The following SH3BP5 variants were observed in gnomAD, a reference collection of about 807,000 sequenced individuals.
SH3BP5 encodes the protein SH3 domain binding protein 5.
Under a neutral mutation model 43.3 loss-of-function variants are expected in SH3BP5, and 22 were observed. That is an observed-to-expected ratio of 0.51 (90% CI 0.36 to 0.73). SH3BP5 has a LOEUF of 0.73. Ranked by LOEUF, SH3BP5 falls within the 30% of genes least tolerant of loss-of-function variation. SH3BP5 has a pLI of 0.00. For synonymous variants in SH3BP5, 255 were observed against 225.8 expected (o/e 1.13, Z -1.16); for missense variants, 529 against 586.9 (o/e 0.90, Z 1.02).
chr3:15,319,461 C>A (rs918598382), intron 2 of SH3BP5, among the ~76,000 whole-genome samples: 4 of 152,186 alleles, frequency 2.6e-5, no homozygotes, highest in Non-Finnish European at 5.9e-5. Context: ...TCTACATCAC[C>A]ATGAGGGTTG....
chr3:15,285,002 T>C (rs765618163), intron 3 of SH3BP5, among the ~76,000 whole-genome samples: 2 of 152,276 alleles, frequency 1.3e-5, no homozygotes, highest in African/African-American at 4.8e-5. Flanking sequence ...GCATAGTACA[T>C]AGGATTTCTA....
chr3:15,311,428 T>C (rs952690594), intron 2 of SH3BP5, among the ~76,000 whole-genome samples: 4 of 151,880 alleles, frequency 2.6e-5, no homozygotes, highest in Non-Finnish European at 5.9e-5. Flanking sequence ...TCGGGCATGG[T>C]AGGTGCCTGT....
intron 3 of SH3BP5, among the ~76,000 whole-genome samples, chr3:15,280,737 T>C (rs888850967): frequency 1.3e-5 from 2 of 152,160 alleles, no homozygotes; most frequent in African/African-American, 4.8e-5. Context: ...GCGGTGGGTT[T>C]CCCTGAGCTC....
intron 2 of SH3BP5, among the ~76,000 whole-genome samples, chr3:15,305,988 A>G (rs1038558046): frequency 2.0e-5 from 3 of 150,104 alleles, no homozygotes; most frequent in African/African-American, 7.4e-5. Flanking sequence ...CATCCCCTCT[A>G]CCTCTCCCTC....
intron 8 of SH3BP5, 168 bp from the exon 9 acceptor site, chr3:15,256,471 A>G (rs916222698): frequency 1.7e-4 from 116 of 698,850 alleles, no homozygotes; most frequent in Middle Eastern, 8.2e-4. Flanking sequence ...TACCGTGCCT[A>G]TCAGAGAGGT....
intron 3 of SH3BP5, among the ~76,000 whole-genome samples, chr3:15,283,539 T>C (rs1436327338): frequency 6.6e-6 from 1 of 152,224 alleles, no homozygotes; most frequent in African/African-American, 2.4e-5. Flanking sequence ...TCTTTTAAGA[T>C]GTACGGGAAA....
intron 2 of SH3BP5, among the ~76,000 whole-genome samples, chr3:15,309,911 C>CG (rs11395350): frequency 0.023 from 3,541 of 151,440 alleles, 162 homozygotes; most frequent in African/African-American, 0.082. Flanking sequence ...GCTCCACCCC[C>CG]CCCCCATAAG....
intron 3 of SH3BP5, among the ~76,000 whole-genome samples, chr3:15,299,196 A>G (rs1697660838): frequency 6.6e-6 from 1 of 152,232 alleles, no homozygotes; most frequent in African/African-American, 2.4e-5. Context: ...CTGCTCCCCT[A>G]CCATATGCTG....
intron 3 of SH3BP5, among the ~76,000 whole-genome samples, chr3:15,273,856 A>G (rs1696884477): frequency 6.6e-6 from 1 of 152,124 alleles, no homozygotes; most frequent in Non-Finnish European, 1.5e-5. Context: ...TGCCCACCCA[A>G]ATTTACATAT....
In SH3BP5 at chr3:15,256,287, C is replaced by T. The variant is rs772708431; in HGVS notation, c.1167G>A (p.Gly389=). The part of the protein sequence containing the change: ...CEVERGDRAE[G]AENKTSDKAN... Reference sequence around the variant, plus strand: ...CTTTGTCACTTGTTTTATTCTCTGCCCCTTCTGCCCTGTCTCCTATAGAAA... The same window carrying T: ...CTTTGTCACTTGTTTTATTCTCTGCTCCTTCTGCCCTGTCTCCTATAGAAA... The change falls in exon 9 of 9, where the codon GGG becomes GGA. Residue 389 remains glycine (G), a synonymous_variant. Transcript: ENST00000383791. 6.2e-7 allele frequency: 1 copy of T among 1,614,106 alleles called. No individual in the cohort carries two copies. The highest frequency in any genetic ancestry group is 1.1e-5 in the South Asian group (1 of 91,072).
intron 3 of SH3BP5, among the ~76,000 whole-genome samples, chr3:15,279,178 GAAAC>G (rs1697052541): frequency 2.0e-5 from 3 of 151,208 alleles, no homozygotes; most frequent in South Asian, 2.1e-4. Context: ...CTCGGGAAAA[GAAAC>G]AAACAAAAAA....
intron 6 of SH3BP5, 79 bp downstream of exon 6, chr3:15,259,682 G>T: frequency 7.6e-7 from 1 of 1,318,310 alleles, no homozygotes; most frequent in Non-Finnish European, 1.1e-6. Context: ...TGGCCCATGT[G>T]ATACTCTGCT....
chr3:15,294,938 A>T (rs963467402), intron 3 of SH3BP5, among the ~76,000 whole-genome samples: 1 of 151,902 alleles, frequency 6.6e-6, no homozygotes, highest in Non-Finnish European at 1.5e-5. Flanking sequence ...TCCTTACCCA[A>T]GTTCATATCT....
intron 3 of SH3BP5, among the ~76,000 whole-genome samples, chr3:15,295,856 A>G (rs1435521226): frequency 6.6e-6 from 1 of 152,260 alleles, no homozygotes; most frequent in African/African-American, 2.4e-5. Flanking sequence ...CATGAGGCTA[A>G]GAGCCAAAGA....
intron 2 of SH3BP5, among the ~76,000 whole-genome samples, chr3:15,311,081 G>C (rs939631888): frequency 6.6e-6 from 1 of 152,130 alleles, no homozygotes; most frequent in Non-Finnish European, 1.5e-5. Flanking sequence ...GATAAAGATG[G>C]GATGGTGATG....
chr3:15,339,627 T>A (rs1360641175), intron 1 of SH3BP5: 1 of 152,132 alleles, frequency 6.6e-6, no homozygotes, highest in Non-Finnish European at 1.5e-5. Flanking sequence ...GGAGAATTGC[T>A]TGAACCCAGG....
At chr3:15,309,202 C>CTA (rs1347733114) in intron 2 of SH3BP5, among the ~76,000 whole-genome samples, 2 of 152,100 alleles carry the variant, frequency 1.3e-5, no homozygotes, top group African/African-American at 4.8e-5. Flanking sequence ...CCTCCATCAG[C>CTA]TAAAATACAT....
At chr3:15,275,130 C>T (rs1007089466) in intron 3 of SH3BP5, among the ~76,000 whole-genome samples, 4 of 152,174 alleles carry the variant, frequency 2.6e-5, no homozygotes, top group African/African-American at 9.7e-5. Context: ...AGAGGGAGAT[C>T]TCTCCCTCTG....
At chr3:15,283,072 T>C (rs759990202) in intron 3 of SH3BP5, among the ~76,000 whole-genome samples, 1 of 152,156 alleles carries the variant, frequency 6.6e-6, no homozygotes, top group Non-Finnish European at 1.5e-5. Flanking sequence ...TTGTCCTCAT[T>C]AAAGGCAACA....
Sources: gnomAD v4.1 joint callset for allele counts (sites outside exome capture counted in the v4.1 genomes callset) on GRCh38, gnomAD v4.1.1 for gene constraint, MANE v1.5 for transcripts, NCBI Gene and HGNC (gene_info 2026-07-23, HGNC 2026-07-21) for gene names.